Variants in GALNTL6 observed in about 807,000 individuals in gnomAD.
GALNTL6 encodes the protein polypeptide N-acetylgalactosaminyltransferase like 6, also known as polypeptide N-acetylgalactosaminyltransferase-like 6.
GALNTL6 carries 46 observed loss-of-function variants against 73.7 expected under a neutral mutation model. That is an observed-to-expected ratio of 0.62 (90% CI 0.49 to 0.80). GALNTL6 has a LOEUF of 0.80. Ranked by LOEUF, GALNTL6 falls within the 30% of genes least tolerant of loss-of-function variation. GALNTL6 has a pLI of 0.00. For synonymous variants in GALNTL6, 259 were observed against 263.7 expected (o/e 0.98, Z 0.17); for missense variants, 604 against 755.0 (o/e 0.80, Z 2.34).
intron 2 of GALNTL6, among the ~76,000 whole-genome samples, chr4:172,099,545 T>A (rs1017821805): frequency 4.6e-5 from 7 of 152,122 alleles, no homozygotes; most frequent in Non-Finnish European, 1.0e-4. Flanking sequence ...AGGAAGAAAC[T>A]ACACGAGTTT....
Position 172,661,973 on chromosome 4 carries a change from C to T in GALNTL6, c.554-147388C>T, listed in dbSNP as rs116114106. ...GGTGCTAATAAGAAGGATGCCTGTACTTAAGAGAAACCTGTAGACAGGCTA... is the reference window on the plus strand; with the variant it reads ...GGTGCTAATAAGAAGGATGCCTGTATTTAAGAGAAACCTGTAGACAGGCTA... On this transcript the variant is annotated intron_variant, in intron 5 of 12. Coordinates refer to ENST00000506823, the MANE Select transcript of GALNTL6 (RefSeq NM_001034845.3). Among the ~76,000 whole-genome samples, 917 of 152,222 alleles carry T rather than the reference C, an allele frequency of 6.0e-3. 10 individuals are homozygous for T. Among genetic ancestry groups the T allele is most frequent in the African/African-American group, 0.021 (880 of 41,552 alleles).
At chr4:172,714,515 A>G (rs1734938539) in intron 5 of GALNTL6, among the ~76,000 whole-genome samples, 2 of 152,202 alleles carry the variant, frequency 1.3e-5, no homozygotes, top group African/African-American at 4.8e-5. Context: ...TAGTGGTTGA[A>G]CATGTATTGC....
intron 10 of GALNTL6, among the ~76,000 whole-genome samples, chr4:172,953,330 A>G (rs986095739): frequency 6.6e-6 from 1 of 152,202 alleles, no homozygotes; most frequent in Non-Finnish European, 1.5e-5. Context: ...GATTTATCCT[A>G]GCAATTCAAC....
intron 5 of GALNTL6, among the ~76,000 whole-genome samples, chr4:172,800,313 G>A (rs934838755): frequency 2.6e-5 from 4 of 152,242 alleles, no homozygotes; most frequent in South Asian, 4.1e-4. Flanking sequence ...GTGAAATGAA[G>A]AAGTGATCTA....
At chr4:172,458,182 G>C (rs1460518578) in intron 5 of GALNTL6, among the ~76,000 whole-genome samples, 1 of 151,846 alleles carries the variant, frequency 6.6e-6, no homozygotes, top group Non-Finnish European at 1.5e-5. Flanking sequence ...TGAGAACAAA[G>C]ACATAACGTA....
intron 5 of GALNTL6, among the ~76,000 whole-genome samples, chr4:172,561,039 G>A (rs1461606224): frequency 1.3e-5 from 2 of 151,620 alleles, no homozygotes; most frequent in Non-Finnish European, 2.9e-5. Context: ...GGATCATGAG[G>A]TCAGGAGATC....
At chr4:172,436,992 C>G (rs1282423659) in intron 5 of GALNTL6, among the ~76,000 whole-genome samples, 1 of 151,934 alleles carries the variant, frequency 6.6e-6, no homozygotes, top group Non-Finnish European at 1.5e-5. Context: ...GGTAAACTAC[C>G]CCAATCTTCA....
rs559311478 is a variant in GALNTL6, at chr4:172,171,987, A to C, written c.139-57669A>C. Among the ~76,000 whole-genome samples, 6 of 152,288 alleles carry C rather than the reference A, an allele frequency of 3.9e-5. No individual in the cohort carries two copies. In the South Asian group the frequency reaches 1.2e-3, roughly 32 times the overall value. Reference sequence around the variant, plus strand: ...TTCTGGCTTAGAAGCATCACATCTCAAAGCAGCCAGTATGTCTGTAGGTCT... The same window carrying C: ...TTCTGGCTTAGAAGCATCACATCTCCAAGCAGCCAGTATGTCTGTAGGTCT... On this transcript the variant is annotated intron_variant, in intron 2 of 12. Transcript: ENST00000506823.
At chr4:172,015,510 T>G (rs186832744) in intron 2 of GALNTL6, among the ~76,000 whole-genome samples, 1 of 152,254 alleles carries the variant, frequency 6.6e-6, no homozygotes, top group Non-Finnish European at 1.5e-5. Flanking sequence ...TGCCATTCTG[T>G]ATATTTTAAG....
At chr4:172,606,652 G>GTATATATATACTA in intron 5 of GALNTL6, among the ~76,000 whole-genome samples, 1 of 34,802 alleles carries the variant, frequency 2.9e-5, no homozygotes, top group Admixed American at 4.8e-4. Context: ...TATATATATA[G>GTATATATATACTA]TATATATATA....
intron 2 of GALNTL6, among the ~76,000 whole-genome samples, chr4:172,220,528 A>T (rs933580561): frequency 1.3e-5 from 2 of 151,772 alleles, no homozygotes; most frequent in African/African-American, 4.8e-5. Context: ...TGACTTACCA[A>T]TCATCCATTT....
intron 10 of GALNTL6, among the ~76,000 whole-genome samples, chr4:172,961,785 G>A (rs1750068533): frequency 6.6e-6 from 1 of 152,208 alleles, no homozygotes; most frequent in African/African-American, 2.4e-5. Context: ...TCCTTGGGCT[G>A]GTTGGTCTGA....
intron 4 of GALNTL6, among the ~76,000 whole-genome samples, chr4:172,338,331 T>A (rs1322420532): frequency 6.8e-6 from 1 of 146,378 alleles, no homozygotes; most frequent in Admixed American, 6.8e-5. Flanking sequence ...AATGTTCAGA[T>A]TTTTTTTTTT....
At chr4:172,646,808 A>G (rs1479135507) in intron 5 of GALNTL6, among the ~76,000 whole-genome samples, 1 of 152,086 alleles carries the variant, frequency 6.6e-6, no homozygotes, top group Non-Finnish European at 1.5e-5. Context: ...ATTGTTTAAC[A>G]ACATGATGTT....
At chr4:172,110,243 T>C (rs1178143893) in intron 2 of GALNTL6, among the ~76,000 whole-genome samples, 2 of 152,230 alleles carry the variant, frequency 1.3e-5, no homozygotes, top group African/African-American at 4.8e-5. Context: ...AATGTTAGAT[T>C]ATCTTTTCTC....
chr4:172,594,096 C>G (rs1737757853), intron 5 of GALNTL6, among the ~76,000 whole-genome samples: 1 of 152,074 alleles, frequency 6.6e-6, no homozygotes, highest in Admixed American at 6.6e-5. Context: ...CCTGTAATCT[C>G]AGCACTTTGG....
chr4:172,971,508 A>G (rs1307969553), intron 10 of GALNTL6, among the ~76,000 whole-genome samples: 1 of 152,218 alleles, frequency 6.6e-6, no homozygotes, highest in Non-Finnish European at 1.5e-5. Flanking sequence ...ATGTAGAAAT[A>G]ATACAAGTAA....
At chr4:172,892,605 CTTTT>C (rs57815105) in intron 8 of GALNTL6, among the ~76,000 whole-genome samples, 19,350 of 137,822 alleles carry the variant, frequency 0.14, 1,409 homozygotes, top group Non-Finnish European at 0.18. Context: ...ATTTTTAATT[CTTTT>C]TTTTTTTTTT....
intron 2 of GALNTL6, among the ~76,000 whole-genome samples, chr4:171,861,525 T>C (rs140833351): frequency 0.017 from 2,550 of 152,286 alleles, 27 homozygotes; most frequent in Middle Eastern, 0.027. Flanking sequence ...CATTTAAGCA[T>C]ATCCTTCTTT....
Sources: allele counts gnomAD v4.1 joint callset (sites outside exome capture counted in the v4.1 genomes callset), GRCh38; gene constraint gnomAD v4.1.1; transcripts MANE v1.5; gene names NCBI Gene and HGNC (gene_info 2026-07-23, HGNC 2026-07-21).